PDGFD: variants seen among roughly 807,000 people sequenced by gnomAD.
PDGFD encodes platelet-derived growth factor D.
A neutral mutation model predicts 44.7 loss-of-function variants in PDGFD; 30 were observed. That is an observed-to-expected ratio of 0.67 (90% CI 0.50 to 0.91). The LOEUF is 0.91. Ranked by LOEUF, PDGFD falls within the 40% of genes least tolerant of loss-of-function variation. The pLI is 0.00. For synonymous variants in PDGFD, 173 were observed against 168.4 expected, an observed-to-expected ratio of 1.03 and a Z score of -0.21; for missense variants, 445 against 457.8, an observed-to-expected ratio of 0.97 and a Z score of 0.25.
At chr11:104,000,503 A>C (rs1025663883) in intron 1 of PDGFD, among the ~76,000 whole-genome samples, 7 of 152,220 alleles carry the variant, frequency 4.6e-5, no homozygotes, top group African/African-American at 1.7e-4. Context: ...AAAACAAAAG[A>C]AAAGACTCTA....
intron 3 of PDGFD, among the ~76,000 whole-genome samples, chr11:103,982,598 T>C (rs995701059): frequency 8.6e-5 from 13 of 151,744 alleles, no homozygotes; most frequent in Non-Finnish European, 1.5e-5. Flanking sequence ...ATAAAGGGCA[T>C]CCGAATAGGA....
intron 1 of PDGFD, among the ~76,000 whole-genome samples, chr11:104,008,441 T>C (rs1413426699): frequency 6.6e-6 from 1 of 152,120 alleles, no homozygotes; most frequent in Non-Finnish European, 1.5e-5. Flanking sequence ...GAAATAAGAA[T>C]ACAAGTTGTT....
intron 3 of PDGFD, among the ~76,000 whole-genome samples, chr11:103,967,576 G>A (rs1265990893): frequency 1.3e-5 from 2 of 151,960 alleles, no homozygotes; most frequent in African/African-American, 2.4e-5. Context: ...GATCTTAGAG[G>A]CCCCCAAATT....
chr11:103,954,278 G>T (rs1325953658), intron 3 of PDGFD, among the ~76,000 whole-genome samples: 1 of 152,156 alleles, frequency 6.6e-6, no homozygotes, highest in South Asian at 2.1e-4. Flanking sequence ...ATTCAACCAC[G>T]TACTGAGCAC....
intron 1 of PDGFD, among the ~76,000 whole-genome samples, chr11:104,076,553 C>G (rs1860961813): frequency 6.6e-6 from 1 of 152,150 alleles, no homozygotes; most frequent in Non-Finnish European, 1.5e-5. Context: ...TGTGACCTAT[C>G]TAACTCAGCT....
chr11:104,036,331 C>CTACTGTGCCTCAG (rs1860231868), intron 1 of PDGFD, among the ~76,000 whole-genome samples: 1 of 151,958 alleles, frequency 6.6e-6, no homozygotes, highest in Non-Finnish European at 1.5e-5. Flanking sequence ...GTAGTTCCAG[C>CTACTGTGCCTCAG]TTTTCAGGAG....
intron 1 of PDGFD, among the ~76,000 whole-genome samples, chr11:104,040,330 C>A (rs1025443703): frequency 4.6e-5 from 7 of 151,952 alleles, no homozygotes; most frequent in African/African-American, 1.4e-4. Context: ...ATCATCTATA[C>A]TGAATTGAAA....
intron 3 of PDGFD, among the ~76,000 whole-genome samples, chr11:103,987,966 C>T (rs1404454681): frequency 2.0e-5 from 3 of 152,174 alleles, no homozygotes; most frequent in Non-Finnish European, 4.4e-5. Flanking sequence ...GTACCTTTCT[C>T]TCCCTCAGGA....
At chr11:103,929,271 G>A (rs1565286994) in intron 5 of PDGFD, among the ~76,000 whole-genome samples, 2 of 152,186 alleles carry the variant, frequency 1.3e-5, no homozygotes, top group Admixed American at 6.5e-5. Context: ...AGAATAGAGG[G>A]ATGGTCAGTA....
intron 3 of PDGFD, among the ~76,000 whole-genome samples, chr11:103,985,922 T>C (rs889338107): frequency 1.3e-5 from 2 of 152,128 alleles, no homozygotes; most frequent in African/African-American, 4.8e-5. Context: ...CAAGAAGCAA[T>C]GATTACTTGA....
chr11:103,985,346 T>A (rs1212574320), intron 3 of PDGFD, among the ~76,000 whole-genome samples: 2 of 150,910 alleles, frequency 1.3e-5, no homozygotes, highest in Non-Finnish European at 2.9e-5. Flanking sequence ...ACTACAGGCG[T>A]GCACCACCAT....
At chr11:104,138,262 TAA>T (rs1460052506) in intron 1 of PDGFD, among the ~76,000 whole-genome samples, 2 of 152,196 alleles carry the variant, frequency 1.3e-5, no homozygotes, top group Admixed American at 6.5e-5. Flanking sequence ...AATTATACAT[TAA>T]TTTTTTTACA....
intron 1 of PDGFD, among the ~76,000 whole-genome samples, chr11:104,095,186 C>T (rs1861265969): frequency 6.6e-6 from 1 of 152,052 alleles, no homozygotes; most frequent in Non-Finnish European, 1.5e-5. Flanking sequence ...AGTATTCTTC[C>T]CTTATTGAAA....
chr11:103,921,504 G>C (rs975326375), intron 6 of PDGFD, among the ~76,000 whole-genome samples: 1 of 151,230 alleles, frequency 6.6e-6, no homozygotes, highest in Non-Finnish European at 1.5e-5. Context: ...ACAGATGCTC[G>C]TTGACTTATG....
chr11:103,937,799 C>A (rs530973509), intron 5 of PDGFD, among the ~76,000 whole-genome samples: 2 of 147,666 alleles, frequency 1.4e-5, no homozygotes, highest in Non-Finnish European at 3.0e-5. Context: ...TGAGAACATG[C>A]GGTGTTTGGT....
chr11:103,987,068 C>G (rs114150316), intron 3 of PDGFD, among the ~76,000 whole-genome samples: 1 of 48,214 alleles, frequency 2.1e-5, no homozygotes, highest in African/African-American at 5.4e-5. Flanking sequence ...CTTTCCAACC[C>G]CCCCCCACCC....
chr11:103,975,244 A>G (rs546511506), intron 3 of PDGFD, among the ~76,000 whole-genome samples: 3 of 152,252 alleles, frequency 2.0e-5, no homozygotes, highest in Non-Finnish European at 2.9e-5. Context: ...ATAACCAATG[A>G]TGATGAGCTT....
chr11:104,010,568 G>A (rs953043189), intron 1 of PDGFD, among the ~76,000 whole-genome samples: 63 of 152,154 alleles, frequency 4.1e-4, no homozygotes, highest in African/African-American at 1.5e-3. Flanking sequence ...TTACAGAAAT[G>A]ATGGTAAAAT....
chr11:104,154,083 AAT>A (rs565905391), intron 1 of PDGFD, among the ~76,000 whole-genome samples: 144 of 152,290 alleles, frequency 9.5e-4, no homozygotes, highest in African/African-American at 2.4e-3. Flanking sequence ...TTATTTTAAA[AAT>A]ATGTTTTATC....
Sources: gnomAD v4.1 joint callset for allele counts (sites outside exome capture counted in the v4.1 genomes callset) on GRCh38, gnomAD v4.1.1 for gene constraint, MANE v1.5 for transcripts, NCBI Gene and HGNC (gene_info 2026-07-23, HGNC 2026-07-21) for gene names.